Variants in UROS observed in about 807,000 individuals in gnomAD.
UROS encodes uroporphyrinogen-III synthase.
A neutral mutation model predicts 33.0 loss-of-function variants in UROS; 18 were observed. The observed-to-expected ratio is 0.55, with a 90% CI of 0.38 to 0.81. The LOEUF is 0.81. Among genes scored for constraint, UROS ranks in the 30% least tolerant of loss-of-function variants. The pLI is 0.00. For synonymous variants in UROS, 114 were observed against 121.1 expected (o/e 0.94, Z 0.38); for missense variants, 293 against 314.9 (o/e 0.93, Z 0.53).
chr10:125,789,117 C>T lies in UROS; in HGVS notation c.661-112G>A, dbSNP rs546919327. On this transcript the variant is annotated intron_variant, in intron 9 of 9. Transcript: ENST00000368797. ...CCAGCTTTGCGGTTGGACGTTACTG[C>T]TCATGTGACGTGTTTATAAAAATGA... 4 of 1,459,404 alleles carry T rather than the reference C, an allele frequency of 2.7e-6. No individual in the cohort carries two copies. The East Asian group carries it at 6.9e-5, about 25-fold the overall frequency. 90.4% of individuals were successfully genotyped at this position (1,459,404 alleles called of 1,614,324 possible).
In UROS at chr10:125,796,085, C is replaced by A. The variant is rs1851329006; in HGVS notation, c.561+18G>T. 1 of 1,613,592 alleles carries A rather than the reference C, an allele frequency of 6.2e-7. No homozygotes were observed. Among genetic ancestry groups the A allele is most frequent in the South Asian group, 1.1e-5 (1 of 91,070 alleles). ...CTGGGCACCCACCCTGCCAGAACCG[C>A]CCCCAAACGCCACGTACCTGCTGGG... is the stretch of plus-strand genomic sequence containing the variant. On this transcript the variant is annotated intron_variant, in intron 8 of 9. Coordinates refer to ENST00000368797, the MANE Select transcript of UROS (RefSeq NM_000375.3).
intron 6 of UROS, among the ~76,000 whole-genome samples, chr10:125,806,386 A>T (rs1211203954): frequency 1.3e-5 from 2 of 152,150 alleles, no homozygotes; most frequent in East Asian, 3.8e-4. Flanking sequence ...CTCTCCTGGG[A>T]CCACCTTAGA....
At chr10:125,798,909 C>T (rs958500425) in intron 6 of UROS, among the ~76,000 whole-genome samples, 1 of 152,186 alleles carries the variant, frequency 6.6e-6, no homozygotes, top group African/African-American at 2.4e-5. Flanking sequence ...TGTCAAATGC[C>T]AGAATCTTCC....
chr10:125,806,153 TGTAA>T lies in UROS; in HGVS notation c.394+1256_394+1259del, dbSNP rs370125076. ...AGCAATGACTTACGGCAGGAAGACT[TGTAA>T]GTAATGCCTTATAAGACGTTAGTGT... On this transcript the variant is annotated intron_variant, in intron 6 of 9. Transcript: ENST00000368797. Among the ~76,000 whole-genome samples the T allele has an allele frequency of 1.8e-3, 281 of 152,354 alleles. 4 individuals carry two copies. In the South Asian group the frequency reaches 0.027, roughly 15 times the overall value.
intron 1 of UROS, among the ~76,000 whole-genome samples, chr10:125,822,763 C>T (rs1854097306): frequency 6.6e-6 from 1 of 152,182 alleles, no homozygotes; most frequent in African/African-American, 2.4e-5. Flanking sequence ...CGGCCCCCCG[C>T]CGAAGCATTT....
At chr10:125,795,041 C>A (rs149240790) in intron 8 of UROS, 63 bp from the exon 9 acceptor site, 2 of 1,478,964 alleles carry the variant, frequency 1.4e-6, no homozygotes, top group East Asian at 2.3e-5. Flanking sequence ...AACATTCCTC[C>A]GGCTTCATCC....
At chr10:125,794,246 C>T (rs1004152643) in intron 9 of UROS, 16 of 760,062 alleles carry the variant, frequency 2.1e-5, no homozygotes, top group Non-Finnish European at 2.6e-5. Flanking sequence ...GGTGCATACT[C>T]CCCACATGAG....
chr10:125,799,050 G>C (rs568109202), intron 6 of UROS, among the ~76,000 whole-genome samples: 5 of 152,222 alleles, frequency 3.3e-5, no homozygotes, highest in African/African-American at 9.6e-5. Flanking sequence ...TGATCTCTCT[G>C]ATCACATCTT....
chr10:125,791,068 G>A (rs1420075780), intron 9 of UROS, among the ~76,000 whole-genome samples: 9 of 149,612 alleles, frequency 6.0e-5, no homozygotes, highest in African/African-American at 2.2e-4. Context: ...CTCCAGCCTG[G>A]GCAACAGAGC....
At position 125,812,284 on chromosome 10, in the gene UROS, C is replaced by T; in HGVS notation, c.249G>A (p.Trp83Ter). The T allele has an allele frequency of 6.2e-7, 1 of 1,613,634 alleles. No homozygotes were observed. The highest frequency in any genetic ancestry group is 8.5e-7 in the Non-Finnish European group (1 of 1,179,880). Residue 83 changes from tryptophan (W) to a stop codon, truncating the protein, a stop_gained, in exon 5 of 10, where the codon TGG becomes TGA. Coordinates refer to ENST00000368797, the MANE Select transcript of UROS (RefSeq NM_000375.3). LOFTEE classifies it high-confidence loss of function. ...TCCATTTTTCTTTCAGAGACCTTTCCCAGACTGTAAAACATGAAATGATAT... is the reference window on the plus strand; with the variant it reads ...TCCATTTTTCTTTCAGAGACCTTTCTCAGACTGTAAAACATGAAATGATAT... ...CLEQNNKTEV[W>*]ERSLKEKWNA...
At chr10:125,813,115 T>G (rs1196525195) in intron 4 of UROS, among the ~76,000 whole-genome samples, 2 of 152,190 alleles carry the variant, frequency 1.3e-5, no homozygotes, top group Non-Finnish European at 2.9e-5. Context: ...TATTCAAAAG[T>G]TATCCATAGC....
intron 5 of UROS, among the ~76,000 whole-genome samples, chr10:125,809,320 C>A (rs1420804705): frequency 6.6e-6 from 1 of 152,270 alleles, no homozygotes; most frequent in Non-Finnish European, 1.5e-5. Context: ...GACCTTTGGG[C>A]AGCCAAATGG....
chr10:125,814,755 T>C (rs944752333), intron 4 of UROS, among the ~76,000 whole-genome samples: 1 of 152,180 alleles, frequency 6.6e-6, no homozygotes, highest in Non-Finnish European at 1.5e-5. Flanking sequence ...TTCAGGAAAG[T>C]AGTATTTATC....
Position 125,794,997 on chromosome 10 carries a change from A to T in UROS, c.562-19T>A, listed in dbSNP as rs1389901578. 3 of 1,601,036 alleles carry T rather than the reference A, an allele frequency of 1.9e-6. No homozygotes were observed. The highest frequency in any genetic ancestry group is 2.6e-6 in the Non-Finnish European group (3 of 1,168,190). On this transcript the variant is annotated intron_variant, in intron 8 of 9. Transcript: ENST00000368797. ...GAACCCCCTGTGGGGAACAGAAAAC[A>T]AGATCAGTCCTTGCCATGAGACTGA...
At chr10:125,807,354 T>C in intron 6 of UROS, 59 bp downstream of exon 6, 1 of 1,417,166 alleles carries the variant, frequency 7.1e-7, no homozygotes, top group Non-Finnish European at 1.0e-6. Context: ...CCCTAGGTAG[T>C]GGTTGTGAGG....
chr10:125,806,927 C>G (rs551651652), intron 6 of UROS, among the ~76,000 whole-genome samples: 1 of 152,304 alleles, frequency 6.6e-6, no homozygotes, highest in Admixed American at 6.5e-5. Context: ...ACTAAGTCCC[C>G]ATTTAAATGC....
chr10:125,816,287 T>G (rs756349330), intron 2 of UROS, 27 bp from the exon 3 acceptor site: 2 of 1,610,214 alleles, frequency 1.2e-6, no homozygotes, highest in Admixed American at 3.3e-5. Context: ...TAGTTCTGGA[T>G]TGGCTAGGGC....
At chr10:125,821,930 A>C (rs970567483) in intron 1 of UROS, among the ~76,000 whole-genome samples, 6 of 152,182 alleles carry the variant, frequency 3.9e-5, no homozygotes, top group African/African-American at 1.2e-4. Context: ...AAAGACCGAA[A>C]TCACAGAACA....
intron 6 of UROS, among the ~76,000 whole-genome samples, chr10:125,800,917 T>C (rs1212801795): frequency 6.6e-6 from 1 of 152,190 alleles, no homozygotes; most frequent in African/African-American, 2.4e-5. Context: ...CACCCTTCAA[T>C]GTGTCCACAT....
Sources: allele counts gnomAD v4.1 joint callset (sites outside exome capture counted in the v4.1 genomes callset), GRCh38; gene constraint gnomAD v4.1.1; transcripts MANE v1.5; gene names NCBI Gene and HGNC (gene_info 2026-07-23, HGNC 2026-07-21).